Variants in XPOT observed in about 807,000 individuals in gnomAD.
The protein encoded by XPOT is exportin-T.
In XPOT, 34 loss-of-function variants were observed where a neutral mutation model predicts 128.2. The observed-to-expected ratio is 0.27, with a 90% CI of 0.20 to 0.35. XPOT has a LOEUF of 0.35. XPOT is among the 10% of genes least tolerant of loss of function. The pLI is 1.00. For missense variants in XPOT, 838 were observed against 1,125.3 expected, an observed-to-expected ratio of 0.74 and a Z score of 3.65; for synonymous variants, 348 against 394.3, an observed-to-expected ratio of 0.88 and a Z score of 1.39.
In XPOT at chr12:64,430,059, A is replaced by G. The variant is rs1397103128; in HGVS notation, c.1748A>G (p.His583Arg). 3.1e-6 allele frequency: 5 copies of G among 1,588,744 alleles called. No individual in the cohort carries two copies. The African/African-American group carries it at 6.8e-5, about 22-fold the overall frequency. The change falls in exon 17 of 25, where the codon CAC (histidine) becomes CGC (arginine). Residue 583 changes from histidine to arginine, a missense_variant. By Grantham distance (29) the His-to-Arg change is conservative (BLOSUM62 0). This residue lies in a region of XPOT where 761 missense variants were observed against 988.3 expected (regional missense o/e 0.77). Transcript: ENST00000332707. ...LLELSPPENG[H>R]QSLLSSDDQL... ...TGAATTTCATTCTAGGAGAATGGCCACCAGTCCTTACTGAGCAGCGATGAT... is the reference window on the plus strand; with the variant it reads ...TGAATTTCATTCTAGGAGAATGGCCGCCAGTCCTTACTGAGCAGCGATGAT...
intron 4 of XPOT, 124 bp downstream of exon 4, chr12:64,416,878 C>T: frequency 1.1e-6 from 1 of 884,336 alleles, no homozygotes; most frequent in Non-Finnish European, 1.8e-6. Context: ...ATGTTATATC[C>T]AGGTTATAGA....
chr12:64,448,155 TTCATGA>T lies in XPOT; in HGVS notation c.*31_*36del. 1 of 1,612,720 alleles carries T rather than the reference TTCATGA, an allele frequency of 6.2e-7. No individual in the cohort carries two copies. The highest frequency in any genetic ancestry group is 8.5e-7 in the Non-Finnish European group (1 of 1,178,750). ...GAGGACTGGATTTCCCTGTGCCTAC[TTCATGA>T]TCATGAATTCCAGTTAATTTATAAA... On this transcript the variant is annotated 3_prime_UTR_variant, in exon 25 of 25. Transcript: ENST00000332707.
chr12:64,428,302 C>G (rs2040209919), intron 16 of XPOT, among the ~76,000 whole-genome samples, 182 bp downstream of exon 16: 1 of 151,872 alleles, frequency 6.6e-6, no homozygotes, highest in Non-Finnish European at 1.5e-5. Flanking sequence ...TAATAGGAAT[C>G]AAGAGTTGAC....
intron 5 of XPOT, 59 bp downstream of exon 5, chr12:64,418,174 C>T: frequency 6.8e-7 from 1 of 1,464,876 alleles, no homozygotes. Flanking sequence ...TTATTTTTTG[C>T]AAGAGTTTGG....
At chr12:64,407,695 AAGGT>A (rs2039995800) in intron 1 of XPOT, among the ~76,000 whole-genome samples, 1 of 152,174 alleles carries the variant, frequency 6.6e-6, no homozygotes, top group Non-Finnish European at 1.5e-5. Context: ...GCAAAGATGA[AAGGT>A]AGAATACCAC....
rs58928058 is a variant in XPOT, at chr12:64,408,455, T to C, written c.-74-1507T>C. Among the ~76,000 whole-genome samples the C allele has an allele frequency of 3.9e-4, 59 of 152,280 alleles. No homozygotes were observed. In the East Asian group the frequency reaches 0.01, roughly 26 times the overall value. On this transcript the variant is annotated intron_variant, in intron 1 of 24. Transcript: ENST00000332707. ...AGTAAGACTTGGTCTCCCTACCTTA[T>C]AGGTCTTGAGAGAATAATATCATTT...
intron 2 of XPOT, among the ~76,000 whole-genome samples, chr12:64,414,195 G>T (rs1052399273): frequency 6.6e-6 from 1 of 152,198 alleles, no homozygotes; most frequent in African/African-American, 2.4e-5. Context: ...GGTAGAGAGC[G>T]TATGGACTTG....
chr12:64,422,353 C>A (rs547957196), intron 9 of XPOT, among the ~76,000 whole-genome samples: 26 of 152,190 alleles, frequency 1.7e-4, no homozygotes, highest in African/African-American at 5.1e-4. Flanking sequence ...ATGTATACTT[C>A]AAGAAATTTT....
intron 17 of XPOT, among the ~76,000 whole-genome samples, chr12:64,431,279 C>T (rs1386980451): frequency 6.6e-6 from 1 of 152,098 alleles, no homozygotes; most frequent in East Asian, 1.9e-4. Context: ...TTTAGGTAGA[C>T]TCACATTAGA....
chr12:64,434,038 T>G (rs748141708), intron 19 of XPOT, among the ~76,000 whole-genome samples: 2 of 152,162 alleles, frequency 1.3e-5, no homozygotes, highest in African/African-American at 4.8e-5. Flanking sequence ...ATTTGTGAGA[T>G]AGGGTCTCAC....
intron 16 of XPOT, among the ~76,000 whole-genome samples, chr12:64,429,443 AC>A (rs2040218694): frequency 6.8e-6 from 1 of 146,018 alleles, no homozygotes. Flanking sequence ...GCACTCTAGT[AC>A]TTTTTTTTTT....
At chr12:64,425,642 AAAAC>A (rs2040185848) in intron 14 of XPOT, 169 bp from the exon 15 acceptor site, 3 of 974,150 alleles carry the variant, frequency 3.1e-6, no homozygotes, top group Non-Finnish European at 4.6e-6. Context: ...TTAGTCAACT[AAAAC>A]AAGTTCTCAA....
At chr12:64,415,411 G>C (rs2040078317) in intron 3 of XPOT, among the ~76,000 whole-genome samples, 1 of 151,610 alleles carries the variant, frequency 6.6e-6, no homozygotes, top group South Asian at 2.1e-4. Context: ...GTCTCGCTTT[G>C]TCGCCCAGGC....
At chr12:64,433,376 T>C in intron 18 of XPOT, 38 bp from the exon 19 acceptor site, 1 of 1,493,304 alleles carries the variant, frequency 6.7e-7, no homozygotes, top group Non-Finnish European at 9.0e-7. Flanking sequence ...ATGTTAATAT[T>C]GTTACTAATT....
intron 2 of XPOT, among the ~76,000 whole-genome samples, chr12:64,412,652 C>A (rs924495192): frequency 1.3e-5 from 2 of 152,116 alleles, no homozygotes; most frequent in Non-Finnish European, 2.9e-5. Flanking sequence ...TACCAACAAC[C>A]AACTCTCTTG....
At chr12:64,423,628 A>G (rs1264832830) in intron 11 of XPOT, among the ~76,000 whole-genome samples, 1 of 151,976 alleles carries the variant, frequency 6.6e-6, no homozygotes, top group Non-Finnish European at 1.5e-5. Context: ...TAATTCTTGT[A>G]TTTTTAGTAG....
intron 2 of XPOT, among the ~76,000 whole-genome samples, chr12:64,413,656 G>C (rs1187038292): frequency 6.6e-6 from 1 of 152,114 alleles, no homozygotes; most frequent in Non-Finnish European, 1.5e-5. Flanking sequence ...CATTCATACA[G>C]TTACATAGTA....
intron 5 of XPOT, among the ~76,000 whole-genome samples, 143 bp from the exon 6 acceptor site, chr12:64,418,706 GATAATTTTGATAATCATAATTATCAAA>G (rs556871671): frequency 2.6e-5 from 4 of 152,018 alleles, no homozygotes; most frequent in Non-Finnish European, 5.9e-5. Context: ...AAATACTTTT[GATAATTTTGATAATCATAATTATCAAA>G]ATAATTTTGA....
At chr12:64,444,308 T>G (rs555570244) in intron 23 of XPOT, among the ~76,000 whole-genome samples, 1 of 152,352 alleles carries the variant, frequency 6.6e-6, no homozygotes, top group South Asian at 2.1e-4. Flanking sequence ...GCAGCCTGTT[T>G]GACAAGTACT....
Sources: gnomAD v4.1 joint callset for allele counts (sites outside exome capture counted in the v4.1 genomes callset) on GRCh38, gnomAD v4.1.1 for gene constraint, gnomAD v4.1.1 regional missense constraint, MANE v1.5 for transcripts, NCBI Gene and HGNC (gene_info 2026-07-23, HGNC 2026-07-21) for gene names.